The following SHANK2 variants were observed in gnomAD, a reference collection of about 807,000 sequenced individuals.
The protein encoded by SHANK2 is SH3 and multiple ankyrin repeat domains 2, also known as SH3 and multiple ankyrin repeat domains protein 2.
Under a neutral mutation model 133.7 loss-of-function variants are expected in SHANK2, and 43 were observed. The observed-to-expected ratio is 0.32, with a 90% confidence interval of 0.25 to 0.41. The LOEUF is 0.41. SHANK2 is among the 10% of genes least tolerant of loss of function. The probability of loss-of-function intolerance (pLI) is 1.00; values close to 1 mark genes in which losing one functional copy is unlikely to be tolerated. For synonymous variants in SHANK2, 1,017 were observed against 952.8 expected (o/e 1.07, Z -1.24); for missense variants, 1,994 against 2,235.8 (o/e 0.89, Z 2.18).
chr11:71,138,800 A>G (rs1952496378), intron 3 of SHANK2, among the ~76,000 whole-genome samples: 1 of 148,840 alleles, frequency 6.7e-6, no homozygotes, highest in East Asian at 1.9e-4. Context: ...CAAAAAAAAA[A>G]AAAAAAAGAA....
chr11:70,488,096 C>T (rs1479804591), intron 24 of SHANK2, among the ~76,000 whole-genome samples: 2 of 152,194 alleles, frequency 1.3e-5, no homozygotes, highest in African/African-American at 2.4e-5. Flanking sequence ...TGTGTGTGCG[C>T]TTACGTGTGC....
chr11:70,729,073 G>T (rs895679547), intron 14 of SHANK2, among the ~76,000 whole-genome samples: 3 of 151,964 alleles, frequency 2.0e-5, no homozygotes, highest in African/African-American at 7.3e-5. Context: ...GTGTGGTGGC[G>T]GGTGCTTGTA....
chr11:71,216,824 G>A (rs1211974371), intron 2 of SHANK2, among the ~76,000 whole-genome samples: 7 of 152,116 alleles, frequency 4.6e-5, no homozygotes, highest in African/African-American at 1.7e-4. Flanking sequence ...TAGGTACATA[G>A]TACTCAATAA....
At chr11:70,746,855 A>G (rs551826018) in intron 14 of SHANK2, among the ~76,000 whole-genome samples, 2 of 151,646 alleles carry the variant, frequency 1.3e-5, no homozygotes, top group Non-Finnish European at 2.9e-5. Flanking sequence ...TCCCAGCCTC[A>G]GGTCTGGGCT....
rs572507221 is a variant in SHANK2 at position 70,908,827 on chromosome 11, C to T, written c.1108-12260G>A. Among the ~76,000 whole-genome samples, 9 of 152,266 alleles carry T rather than the reference C, an allele frequency of 5.9e-5. 1 individual carries two copies. Among genetic ancestry groups the T allele is most frequent in the South Asian group, 2.1e-4 (1 of 4,816 alleles). On this transcript the variant is annotated intron_variant, in intron 10 of 25. Transcript: ENST00000601538. Reference sequence around the variant, plus strand: ...CCTAATCAACATCAACGTCAAACCGCGACCCAACTGATCTACCTCCATTTA... The same window carrying T: ...CCTAATCAACATCAACGTCAAACCGTGACCCAACTGATCTACCTCCATTTA...
chr11:70,847,357 A>T (rs1477718082), intron 11 of SHANK2, among the ~76,000 whole-genome samples: 1 of 152,160 alleles, frequency 6.6e-6, no homozygotes. Context: ...GCCTTGTCTC[A>T]CAGGGTGGTG....
chr11:70,486,185 C>T lies in SHANK2; in HGVS notation c.4108G>A (p.Val1370Met), dbSNP rs2058801641. 4 of 1,613,162 alleles carry T rather than the reference C, an allele frequency of 2.5e-6. No individual in the cohort carries two copies. The highest frequency in any genetic ancestry group is 1.7e-5 in the Admixed American group (1 of 60,012). The change falls in exon 25 of 26, where the codon GTG (valine) becomes ATG (methionine). Residue 1370 changes from valine (V) to methionine (M), a missense_variant. By Grantham distance (21) the Val-to-Met change is conservative (BLOSUM62 1). Coordinates refer to ENST00000601538, the MANE Select transcript of SHANK2 (RefSeq NM_012309.5). This position sits in a 1 kb window ranked among gnomAD's most constrained non-coding sequence, Gnocchi z 8.0. ...ACCGCGACGATGGTTCTGCCGGGCA[C>T]GGTGGTGGGCTCGGGGGCAGCGGAG... ...QISAAPEPTT[V>M]PGRTIVAVGS...
At chr11:70,660,448 T>G (rs1158937018) in intron 16 of SHANK2, among the ~76,000 whole-genome samples, 1 of 152,202 alleles carries the variant, frequency 6.6e-6, no homozygotes, top group African/African-American at 2.4e-5. Flanking sequence ...AATGTGCTCA[T>G]GAGTCCTCTC....
intron 14 of SHANK2, among the ~76,000 whole-genome samples, chr11:70,723,188 T>G (rs1555029639): frequency 6.6e-6 from 1 of 152,222 alleles, no homozygotes; most frequent in Non-Finnish European, 1.5e-5. Flanking sequence ...TCAGACTTGC[T>G]TCTTCCAAGT....
At chr11:71,147,674 T>A (rs1192225240) in intron 2 of SHANK2, among the ~76,000 whole-genome samples, 1 of 152,134 alleles carries the variant, frequency 6.6e-6, no homozygotes, top group Non-Finnish European at 1.5e-5. Context: ...CTTACAAAGA[T>A]GATGCAGAGG....
rs1421985077 is a variant in SHANK2 at position 70,500,692 on chromosome 11, G to C, written c.2288-102C>G. The C allele has an allele frequency of 6.6e-7, 1 of 1,505,060 alleles. No individual in the cohort carries two copies. Among genetic ancestry groups the C allele is most frequent in the Middle Eastern group, 1.7e-4 (1 of 5,874 alleles). The allele number at this position is 1,505,060 out of a possible 1,614,324, so 93.2% of individuals were successfully genotyped here. A position where few individuals can be genotyped will look rare whatever the true frequency, so the allele number is the denominator to read the frequency against. ...GCTCAGGGCGCCTCAGGAGCAGGCT[G>C]GGCCGGCAATGGGGCGGCAGGCAGG... On this transcript the variant is annotated intron_variant, in intron 20 of 25. Coordinates refer to ENST00000601538, the MANE Select transcript of SHANK2 (RefSeq NM_012309.5). The surrounding 1 kb of genome is among the most constrained non-coding windows in gnomAD (Gnocchi z 4.5).
rs144903619 is a variant in SHANK2 at position 70,499,504 on chromosome 11, C to T, written c.2308+1066G>A. ...CTGACAAGGGACTTCTGTTGTCCCACGCTGTTCTGGCAACTGGGTCCCTGG... is the reference window on the plus strand; with the variant it reads ...CTGACAAGGGACTTCTGTTGTCCCATGCTGTTCTGGCAACTGGGTCCCTGG... On this transcript the variant is annotated intron_variant, in intron 21 of 25. Coordinates refer to ENST00000601538, the MANE Select transcript of SHANK2 (RefSeq NM_012309.5). Among the ~76,000 whole-genome samples the T allele has an allele frequency of 1.7e-4, 26 of 152,352 alleles. 1 individual carries two copies. In the South Asian group the frequency reaches 3.7e-3, roughly 22 times the overall value.
rs2058569787 is a variant in SHANK2 at position 70,469,335 on chromosome 11, C to A, written c.*3534G>T. 6.6e-6 allele frequency: 1 copy of A among 152,602 alleles called. No individual in the cohort carries two copies. The highest frequency in any genetic ancestry group is 2.1e-4 in the South Asian group (1 of 4,834). 9.5% of individuals were successfully genotyped at this position (152,602 alleles called of 1,614,324 possible). On this transcript the variant is annotated 3_prime_UTR_variant, in exon 26 of 26. Transcript: ENST00000601538. ...TCAGTTTTAGAGAGGCAGAGCTGGCCACAATGCCTGAGATAATCTACATTA... is the reference window on the plus strand; with the variant it reads ...TCAGTTTTAGAGAGGCAGAGCTGGCAACAATGCCTGAGATAATCTACATTA...
chr11:71,124,277 GTGA>G (rs782226741), intron 3 of SHANK2, among the ~76,000 whole-genome samples: 1,874 of 145,958 alleles, frequency 0.013, 56 homozygotes, highest in African/African-American at 0.047. Context: ...GGGGATGGTA[GTGA>G]TGATGATGGT....
chr11:70,854,921 G>A (rs1269575277), intron 11 of SHANK2, among the ~76,000 whole-genome samples: 1 of 152,184 alleles, frequency 6.6e-6, no homozygotes, highest in African/African-American at 2.4e-5. Context: ...AGCAAGAGCT[G>A]TACTTTTTGT....
chr11:70,872,912 G>A, intron 11 of SHANK2: 1 of 442,348 alleles, frequency 2.3e-6, no homozygotes, highest in Admixed American at 2.4e-5. Flanking sequence ...CTCGGGGCAG[G>A]AGGAGCACAT....
At chr11:70,865,951 G>A (rs1949350532) in intron 11 of SHANK2, among the ~76,000 whole-genome samples, 1 of 152,082 alleles carries the variant, frequency 6.6e-6, no homozygotes, top group Non-Finnish European at 1.5e-5. Context: ...GCCCCTCCCT[G>A]GCAGTCCCAC....
chr11:70,797,832 T>TACACATACACACAC (rs1555049501), intron 14 of SHANK2, among the ~76,000 whole-genome samples: 3 of 141,944 alleles, frequency 2.1e-5, no homozygotes, highest in African/African-American at 7.9e-5. Flanking sequence ...TCCACTCTCA[T>TACACATACACACAC]ACACACACAC....
At chr11:70,810,518 T>C (rs1453573540) in intron 12 of SHANK2, among the ~76,000 whole-genome samples, 5 of 152,194 alleles carry the variant, frequency 3.3e-5, no homozygotes, top group Non-Finnish European at 5.9e-5. Context: ...ATCCCTCCTC[T>C]CCTTGAACTT....
Sources: gnomAD v4.1 joint callset for allele counts (sites outside exome capture counted in the v4.1 genomes callset) on GRCh38, gnomAD v4.1.1 for gene constraint, Gnocchi (gnomAD v3.1) non-coding constraint, MANE v1.5 for transcripts, NCBI Gene and HGNC (gene_info 2026-07-23, HGNC 2026-07-21) for gene names.